NENF: variants seen among roughly 807,000 people sequenced by gnomAD.
The protein encoded by NENF is neudesin.
Under a neutral mutation model 14.8 loss-of-function variants are expected in NENF, and 6 were observed. The observed-to-expected ratio is 0.40, with a 90% confidence interval of 0.22 to 0.80. NENF has a LOEUF of 0.80. Ranked by LOEUF, NENF falls within the 30% of genes least tolerant of loss-of-function variation. The pLI is 0.34. For synonymous variants in NENF, 76 were observed against 95.1 expected (o/e 0.80, Z 1.17); for missense variants, 184 against 212.7 (o/e 0.87, Z 0.84).
chr1:212,443,720 T>A (rs1209666595), intron 2 of NENF, among the ~76,000 whole-genome samples: 1 of 152,094 alleles, frequency 6.6e-6, no homozygotes, highest in Non-Finnish European at 1.5e-5. Flanking sequence ...GAGACTATTT[T>A]CTCAGTATTA....
chr1:212,438,777 C>T (rs370309991), intron 1 of NENF, among the ~76,000 whole-genome samples: 9 of 152,064 alleles, frequency 5.9e-5, no homozygotes, highest in East Asian at 1.9e-4. Flanking sequence ...CCACCACACC[C>T]GGCTAATTTT....
Position 212,446,020 on chromosome 1 carries a change from G to A in NENF, c.*14G>A, listed in dbSNP as rs1344720148. On this transcript the variant is annotated 3_prime_UTR_variant, in exon 4 of 4. Coordinates refer to ENST00000366988, the MANE Select transcript of NENF (RefSeq NM_013349.5). Reference sequence around the variant, plus strand: ...GATGAGTTCTGATGTTCCCCCTGCAGGAGCAGGTTCTTGGGAGCGTGAGGC... The same window carrying A: ...GATGAGTTCTGATGTTCCCCCTGCAAGAGCAGGTTCTTGGGAGCGTGAGGC... 3 of 1,613,632 alleles carry A rather than the reference G, an allele frequency of 1.9e-6. No homozygotes were observed. Among genetic ancestry groups the A allele is most frequent in the Non-Finnish European group, 2.5e-6 (3 of 1,179,722 alleles).
At chr1:212,437,132 A>C (rs1340993819) in intron 1 of NENF, among the ~76,000 whole-genome samples, 2 of 152,200 alleles carry the variant, frequency 1.3e-5, no homozygotes, top group African/African-American at 2.4e-5. Context: ...CGGTCCTTTC[A>C]TGCACTACAG....
In NENF at chr1:212,439,271, G is replaced by A. The variant is rs147959714; in HGVS notation, c.178-3294G>A. Among the ~76,000 whole-genome samples, 396 of 152,014 alleles carry A rather than the reference G, an allele frequency of 2.6e-3. 4 individuals carry two copies. Among genetic ancestry groups the A allele is most frequent in the African/African-American group, 9.0e-3 (371 of 41,432 alleles). ...GAGATTGCTGGGTGCAGTGGCTCAC[G>A]CCTGTAATCCCAGCACTTTGGGAGG... On this transcript the variant is annotated intron_variant, in intron 1 of 3. Coordinates refer to ENST00000366988, the MANE Select transcript of NENF (RefSeq NM_013349.5).
rs894291419 is a variant in NENF, at chr1:212,433,749, C to T, written c.177+629C>T. On this transcript the variant is annotated intron_variant, in intron 1 of 3. Coordinates refer to ENST00000366988, the MANE Select transcript of NENF (RefSeq NM_013349.5). The surrounding 1 kb of genome is among the most constrained non-coding windows in gnomAD (Gnocchi z 5.5). ...CGCCACACGTCAATAGAGACCCCCC[C>T]GCCCACACACACCCACACACGTCAA... Among the ~76,000 whole-genome samples the T allele has an allele frequency of 6.6e-6, 1 of 151,962 alleles. No homozygotes were observed. The highest frequency in any genetic ancestry group is 1.5e-5 in the Non-Finnish European group (1 of 67,986).
intron 2 of NENF, among the ~76,000 whole-genome samples, chr1:212,443,315 G>T (rs922977686): frequency 1.3e-5 from 2 of 152,144 alleles, no homozygotes; most frequent in Admixed American, 1.3e-4. Flanking sequence ...TTTTGTATTG[G>T]TTTATCTATT....
In NENF at chr1:212,433,163, C is replaced by T; in HGVS notation, c.177+43C>T. ...GGGCCGAGGGACCCGGGGTGGCGTC[C>T]GATCTGCGGCGAGCCGAGCGGGGAC... On this transcript the variant is annotated intron_variant, in intron 1 of 3. Transcript: ENST00000366988. The surrounding 1 kb of genome is among the most constrained non-coding windows in gnomAD (Gnocchi z 5.5). The T allele has an allele frequency of 9.0e-7, 1 of 1,109,044 alleles. No individual in the cohort carries two copies. Among genetic ancestry groups the T allele is most frequent in the Non-Finnish European group, 1.1e-6 (1 of 896,108 alleles). 68.7% of individuals were successfully genotyped at this position (1,109,044 alleles called of 1,614,324 possible).
At chr1:212,440,123 GTGCC>G (rs1662677942) in intron 1 of NENF, among the ~76,000 whole-genome samples, 2 of 149,430 alleles carry the variant, frequency 1.3e-5, no homozygotes, top group South Asian at 4.3e-4. Context: ...ATGGTGGCGT[GTGCC>G]TGTAATCCCA....
chr1:212,441,711 G>A (rs905934784), intron 1 of NENF, among the ~76,000 whole-genome samples: 2 of 152,028 alleles, frequency 1.3e-5, no homozygotes, highest in Non-Finnish European at 2.9e-5. Flanking sequence ...ACATGAACCC[G>A]GAAGGTGGAG....
chr1:212,443,421 T>C (rs1451036298), intron 2 of NENF, among the ~76,000 whole-genome samples: 2 of 152,186 alleles, frequency 1.3e-5, no homozygotes, highest in African/African-American at 4.8e-5. Flanking sequence ...TTAATTTTTT[T>C]TTTGGAGACA....
At chr1:212,434,395 G>T (rs969306717) in intron 1 of NENF, among the ~76,000 whole-genome samples, 4 of 152,172 alleles carry the variant, frequency 2.6e-5, no homozygotes, top group African/African-American at 9.7e-5. Context: ...CACTTGCCTA[G>T]GCCGTATATA....
chr1:212,445,280 A>G (rs749233359), intron 3 of NENF, among the ~76,000 whole-genome samples: 4 of 152,152 alleles, frequency 2.6e-5, no homozygotes, highest in Non-Finnish European at 5.9e-5. Context: ...TGTTTTTTAA[A>G]CCTATTCAAG....
chr1:212,439,865 C>T (rs6656423), intron 1 of NENF, among the ~76,000 whole-genome samples: 1 of 150,776 alleles, frequency 6.6e-6, no homozygotes, highest in African/African-American at 2.4e-5. Flanking sequence ...GTCCCCCCCC[C>T]ACAAAAAAAG....
At chr1:212,437,986 T>C (rs1662635054) in intron 1 of NENF, among the ~76,000 whole-genome samples, 1 of 152,120 alleles carries the variant, frequency 6.6e-6, no homozygotes, top group African/African-American at 2.4e-5. Context: ...AGACCTTGTC[T>C]CTATTTTAAA....
In NENF at chr1:212,433,033, G is replaced by T. The variant is rs1571698653; in HGVS notation, c.90G>T (p.Arg30=). ...LALAPGLPTA[R]AGQTPRPAER... is the part of the protein sequence containing the mutation. ...TGGCCCCGGGGCTGCCCACAGCCCG[G>T]GCCGGGCAGACACCGCGCCCTGCCG... is the stretch of plus-strand genomic sequence containing the variant. The change falls in exon 1 of 4, where the codon CGG becomes CGT. Residue 30 remains arginine (R), a synonymous_variant. Coordinates refer to ENST00000366988, the MANE Select transcript of NENF (RefSeq NM_013349.5). The surrounding 1 kb of genome is among the most constrained non-coding windows in gnomAD (Gnocchi z 5.5). The T allele has an allele frequency of 8.5e-7, 1 of 1,183,094 alleles. No individual in the cohort carries two copies. The highest frequency in any genetic ancestry group is 1.6e-5 in the African/African-American group (1 of 62,514). 73.3% of individuals were successfully genotyped at this position (1,183,094 alleles called of 1,614,324 possible). A position where few individuals can be genotyped will look rare whatever the true frequency, so the allele number is the denominator to read the frequency against.
intron 3 of NENF, among the ~76,000 whole-genome samples, 187 bp from the exon 4 acceptor site, chr1:212,445,643 A>C (rs1571706276): frequency 1.3e-5 from 2 of 150,192 alleles, no homozygotes. Context: ...CGTATGTTAT[A>C]CCCTCCCACC....
At position 212,445,794 on chromosome 1, in the gene NENF, C is replaced by G. The variant is rs374254750; in HGVS notation, c.343-36C>G. 3.7e-6 allele frequency: 6 copies of G among 1,610,476 alleles called. No individual in the cohort carries two copies. In the African/African-American group the frequency reaches 8.0e-5, roughly 22 times the overall value. ...CAGTGCCAAACACTATCCACTTAAC[C>G]CCATCTCCTGTCTTTCTTGGGCTTT... On this transcript the variant is annotated intron_variant, in intron 3 of 3. Transcript: ENST00000366988.
chr1:212,444,485 G>A, intron 3 of NENF, 43 bp downstream of exon 3: 1 of 1,362,334 alleles, frequency 7.3e-7, no homozygotes, highest in Non-Finnish European at 1.0e-6. Context: ...CTACCTCCTT[G>A]TCCATGCCTT....
In NENF at chr1:212,444,335, A is replaced by G. The variant is rs748489820; in HGVS notation, c.239-4A>G. ...TTACGTCTCTTCCTTCCTTCCCACT[A>G]CAGAGTTTTATGGACGAGGAGCCCC... On this transcript the variant is annotated splice_region_variant and splice_polypyrimidine_tract_variant and intron_variant, in intron 2 of 3. Transcript: ENST00000366988. The G allele has an allele frequency of 1.3e-6, 2 of 1,585,952 alleles. No homozygotes were observed. The highest frequency in any genetic ancestry group is 2.3e-5 in the East Asian group (1 of 43,882).
Sources: allele counts gnomAD v4.1 joint callset (sites outside exome capture counted in the v4.1 genomes callset), GRCh38; gene constraint gnomAD v4.1.1; non-coding constraint Gnocchi (gnomAD v3.1); transcripts MANE v1.5; gene names NCBI Gene and HGNC (gene_info 2026-07-23, HGNC 2026-07-21).